PGM5: variants seen among roughly 807,000 people sequenced by gnomAD.
PGM5 encodes phosphoglucomutase 5.
Under a neutral mutation model 59.2 loss-of-function variants are expected in PGM5, and 23 were observed. That is an observed-to-expected ratio of 0.39 (90% confidence interval 0.28 to 0.55). PGM5 has a LOEUF of 0.55. Ranked by LOEUF, PGM5 falls within the 20% of genes least tolerant of loss-of-function variation. The probability of loss-of-function intolerance (pLI) is 0.66; values close to 1 mark genes in which losing one functional copy is unlikely to be tolerated. For synonymous variants in PGM5, 214 were observed against 286.0 expected, an observed-to-expected ratio of 0.75 and a Z score of 2.54; for missense variants, 574 against 748.3, an observed-to-expected ratio of 0.77 and a Z score of 2.72.
At chr9:68,413,432 C>T (rs1471827908) in intron 6 of PGM5, among the ~76,000 whole-genome samples, 2 of 152,170 alleles carry the variant, frequency 1.3e-5, no homozygotes, top group Non-Finnish European at 2.9e-5. Context: ...CACGCAAGTA[C>T]TCACCAAACC....
At chr9:68,376,169 G>A (rs1351507427) in intron 1 of PGM5, among the ~76,000 whole-genome samples, 1 of 152,150 alleles carries the variant, frequency 6.6e-6, no homozygotes, top group Non-Finnish European at 1.5e-5. Context: ...CATTTGGGCT[G>A]CTCAGCCCAT....
chr9:68,450,789 T>C (rs1823684384), intron 6 of PGM5, among the ~76,000 whole-genome samples: 1 of 152,222 alleles, frequency 6.6e-6, no homozygotes, highest in Non-Finnish European at 1.5e-5. Context: ...AATAGCTTAG[T>C]GCTGGGTTAG....
chr9:68,455,105 G>A (rs1392752049), intron 6 of PGM5, among the ~76,000 whole-genome samples: 4 of 152,222 alleles, frequency 2.6e-5, no homozygotes, highest in African/African-American at 9.6e-5. Flanking sequence ...TGCAGAGAGA[G>A]CTGCCTGTGA....
intron 6 of PGM5, chr9:68,397,579 C>T (rs1822543066): frequency 6.6e-6 from 1 of 152,232 alleles, no homozygotes; most frequent in South Asian, 2.1e-4. Flanking sequence ...TTTATCCACT[C>T]AAGAAATATT....
chr9:68,458,327 C>A (rs1273988205), intron 6 of PGM5, among the ~76,000 whole-genome samples: 1 of 152,186 alleles, frequency 6.6e-6, no homozygotes, highest in Non-Finnish European at 1.5e-5. Flanking sequence ...CCCCATGACA[C>A]CTACCTAAAA....
At chr9:68,366,502 C>T (rs1244620711) in intron 1 of PGM5, among the ~76,000 whole-genome samples, 1 of 152,108 alleles carries the variant, frequency 6.6e-6, no homozygotes, top group African/African-American at 2.4e-5. Flanking sequence ...ATTGAAAGGA[C>T]ATACTCTAGT....
At chr9:68,409,872 TAA>T (rs200990186) in intron 6 of PGM5, among the ~76,000 whole-genome samples, 1,452 of 137,398 alleles carry the variant, frequency 0.011, 12 homozygotes, top group East Asian at 0.022. Context: ...ACTTAAAGTA[TAA>T]AAAAAAAAAA....
At chr9:68,453,118 C>A (rs1823723030) in intron 6 of PGM5, among the ~76,000 whole-genome samples, 1 of 152,186 alleles carries the variant, frequency 6.6e-6, no homozygotes. Context: ...GTATACTCTA[C>A]CCTCTTTGTG....
At chr9:68,513,568 G>A (rs1824783375) in intron 10 of PGM5, among the ~76,000 whole-genome samples, 1 of 152,208 alleles carries the variant, frequency 6.6e-6, no homozygotes, top group African/African-American at 2.4e-5. Flanking sequence ...GGAGTGCTGT[G>A]ACATTGCATG....
At chr9:68,376,813 C>CTTTCTTTCTTTCTTTG (rs1821911788) in intron 1 of PGM5, among the ~76,000 whole-genome samples, 12 of 107,758 alleles carry the variant, frequency 1.1e-4, no homozygotes, top group African/African-American at 3.6e-4. Context: ...TTCTTTCTTT[C>CTTTCTTTCTTTCTTTG]TTTCTTTCTT....
intron 6 of PGM5, among the ~76,000 whole-genome samples, chr9:68,441,183 G>A (rs1208524128): frequency 2.6e-5 from 4 of 151,776 alleles, no homozygotes; most frequent in African/African-American, 9.7e-5. Context: ...AAATCCTAGT[G>A]CAAATAAATA....
intron 7 of PGM5, among the ~76,000 whole-genome samples, chr9:68,474,924 AC>A (rs1182990116): frequency 6.7e-6 from 1 of 148,680 alleles, no homozygotes; most frequent in African/African-American, 2.5e-5. Context: ...AAAAATACAT[AC>A]TAGATGAGCC....
At position 68,529,547 on chromosome 9, in the gene PGM5, C is replaced by T; in HGVS notation, c.1615-20C>T. On this transcript the variant is annotated intron_variant, in intron 10 of 10. Transcript: ENST00000396396. The stretch of plus-strand genomic sequence containing the variant: ...GTAACTGACTTGAGTTGTTCACAGA[C>T]TTTCCTTTTCCTTTTGCAGGCAGTG... 6.4e-7 allele frequency: 1 copy of T among 1,555,480 alleles called. No homozygotes were observed.
chr9:68,367,128 CT>C (rs1257640630), intron 1 of PGM5, among the ~76,000 whole-genome samples: 4 of 152,146 alleles, frequency 2.6e-5, no homozygotes, highest in African/African-American at 9.7e-5. Context: ...CACATGCACA[CT>C]CTATCACAGT....
At chr9:68,393,680 T>C (rs1822423415) in intron 6 of PGM5, among the ~76,000 whole-genome samples, 1 of 152,106 alleles carries the variant, frequency 6.6e-6, no homozygotes, top group Non-Finnish European at 1.5e-5. Flanking sequence ...TTTCATACAT[T>C]GCAAACAAAA....
At chr9:68,386,273 C>T (rs142386870) in intron 3 of PGM5, among the ~76,000 whole-genome samples, 105 of 152,026 alleles carry the variant, frequency 6.9e-4, no homozygotes, top group African/African-American at 2.1e-3. Context: ...CAAAATTTAC[C>T]ATTTTAACCA....
chr9:68,433,574 G>C (rs782726717), intron 6 of PGM5, among the ~76,000 whole-genome samples: 2 of 152,186 alleles, frequency 1.3e-5, no homozygotes, highest in Non-Finnish European at 1.5e-5. Context: ...TCTCATTTAG[G>C]CCAGATTTTG....
chr9:68,431,894 G>T (rs1178994100), intron 6 of PGM5, among the ~76,000 whole-genome samples: 2 of 152,132 alleles, frequency 1.3e-5, no homozygotes, highest in African/African-American at 4.8e-5. Flanking sequence ...TATTAGGGGT[G>T]GGGATGGGGG....
chr9:68,357,394 T>A lies in PGM5; in HGVS notation c.261+6T>A. The stretch of plus-strand genomic sequence containing the variant: ...AGATGGCCGCGGCCAACGGGGTGAG[T>A]GTCCGGATGCCCCTCGCTTCCCGCC... On this transcript the variant is annotated splice_donor_region_variant and intron_variant, in intron 1 of 10. Transcript: ENST00000396396. The A allele has an allele frequency of 6.4e-7, 1 of 1,552,620 alleles. No individual in the cohort carries two copies. The highest frequency in any genetic ancestry group is 8.7e-7 in the Non-Finnish European group (1 of 1,153,046).
Sources: gnomAD v4.1 joint callset for allele counts (sites outside exome capture counted in the v4.1 genomes callset) on GRCh38, gnomAD v4.1.1 for gene constraint, MANE v1.5 for transcripts, NCBI Gene and HGNC (gene_info 2026-07-23, HGNC 2026-07-21) for gene names.